TBL1XR1: variants seen among roughly 807,000 people sequenced by gnomAD.
The protein encoded by TBL1XR1 is F-box-like/WD repeat-containing protein TBL1XR1.
TBL1XR1 carries 5 observed loss-of-function variants against 66.9 expected under a neutral mutation model. The ratio of observed to expected loss-of-function variants is 0.07; its 90% CI spans 0.04 to 0.16. TBL1XR1 has a LOEUF of 0.16. Among genes scored for constraint, TBL1XR1 ranks in the 10% least tolerant of loss-of-function variants. TBL1XR1 has a pLI of 1.00. For synonymous variants in TBL1XR1, 210 were observed against 206.0 expected, an observed-to-expected ratio of 1.02 and a Z score of -0.17; for missense variants, 238 against 623.2, an observed-to-expected ratio of 0.38 and a Z score of 6.58.
At position 177,022,862 on chromosome 3, in the gene TBL1XR1, A is replaced by C. The variant is rs1712566175; in HGVS notation, c.*2636T>G. The C allele has an allele frequency of 6.6e-6, 1 of 152,402 alleles. No homozygotes were observed. The highest frequency in any genetic ancestry group is 6.6e-5 in the Admixed American group (1 of 15,242). The allele number at this position is 152,402 out of a possible 1,614,324, so 9.4% of individuals were successfully genotyped here. A position where few individuals can be genotyped will look rare whatever the true frequency, so the allele number is the denominator to read the frequency against. ...TTGAGAACAGCAGCAAAAATAAACA[A>C]TCGTATGCTCATGAAGAACCCAAGC... is the stretch of plus-strand genomic sequence containing the variant. On this transcript the variant is annotated 3_prime_UTR_variant, in exon 16 of 16. Transcript: ENST00000457928.
upstream of TBL1XR1, among the ~76,000 whole-genome samples, chr3:177,197,749 C>T (rs1049957611): frequency 6.8e-6 from 1 of 146,656 alleles, no homozygotes; most frequent in Non-Finnish European, 1.5e-5. Context: ...CCTTCCCGGC[C>T]CGCTCTGGCG....
intron 1 of TBL1XR1, among the ~76,000 whole-genome samples, chr3:177,112,512 C>T (rs990609698): frequency 1.3e-5 from 2 of 151,980 alleles, no homozygotes; most frequent in African/African-American, 4.8e-5. Context: ...AGATTGAGAT[C>T]GGAAATGGTT....
At chr3:177,146,235 C>T (rs572477628) in intron 1 of TBL1XR1, among the ~76,000 whole-genome samples, 1 of 152,186 alleles carries the variant, frequency 6.6e-6, no homozygotes, top group East Asian at 1.9e-4. Flanking sequence ...TACAGCAGTA[C>T]ATCTTCACTA....
chr3:177,080,044 G>C (rs911221367), intron 2 of TBL1XR1: 6 of 152,156 alleles, frequency 3.9e-5, no homozygotes, highest in African/African-American at 1.4e-4. Context: ...TCAATCAAAT[G>C]TAAGATTTCT....
At chr3:177,059,453 T>A (rs1269715568) in intron 3 of TBL1XR1, among the ~76,000 whole-genome samples, 1 of 152,162 alleles carries the variant, frequency 6.6e-6, no homozygotes, top group Non-Finnish European at 1.5e-5. Flanking sequence ...TGTGATCACG[T>A]TTTCTAAATT....
intron 1 of TBL1XR1, among the ~76,000 whole-genome samples, chr3:177,149,660 C>T (rs924695415): frequency 6.6e-5 from 10 of 152,160 alleles, no homozygotes; most frequent in Non-Finnish European, 1.0e-4. Flanking sequence ...CCAAATCCTA[C>T]CTGCTTTCGT....
intron 3 of TBL1XR1, among the ~76,000 whole-genome samples, chr3:177,061,731 G>A (rs1040481191): frequency 5.3e-5 from 8 of 152,168 alleles, no homozygotes; most frequent in South Asian, 2.1e-4. Flanking sequence ...TAACCTAAGA[G>A]TAATTTATAT....
intron 1 of TBL1XR1, among the ~76,000 whole-genome samples, chr3:177,168,093 A>T (rs1005898612): frequency 1.6e-4 from 24 of 152,206 alleles, no homozygotes; most frequent in Admixed American, 6.5e-4. Flanking sequence ...ATGTAATGAG[A>T]TAAATATATA....
intron 1 of TBL1XR1, among the ~76,000 whole-genome samples, chr3:177,179,209 A>G (rs1269563826): frequency 6.6e-6 from 1 of 151,420 alleles, no homozygotes; most frequent in Non-Finnish European, 1.5e-5. Flanking sequence ...TTCAAAGACT[A>G]AAAACATGGC....
In TBL1XR1 at chr3:177,151,362, A is replaced by C. The variant is rs539724075; in HGVS notation, c.-122+45759T>G. 2.0e-5 allele frequency among the ~76,000 whole-genome samples: 3 copies of C among 152,336 alleles called. No homozygotes were observed. In the South Asian group the frequency reaches 6.2e-4, roughly 32 times the overall value. On this transcript the variant is annotated intron_variant, in intron 1 of 15. Transcript: ENST00000457928. ...ATGGGGGTCCCCAACCCCCGGCTGC[A>C]GCTGTGGGCACCAGTCCACGGCAGT...
At chr3:177,133,833 G>A (rs539457217) in intron 1 of TBL1XR1, among the ~76,000 whole-genome samples, 9 of 135,426 alleles carry the variant, frequency 6.6e-5, no homozygotes, top group Admixed American at 6.1e-4. Context: ...CCAAGATCGC[G>A]CCACTGCACA....
At position 177,127,550 on chromosome 3, in the gene TBL1XR1, T is replaced by C. The variant is rs762497255; in HGVS notation, c.-121-29009A>G. 3.9e-5 allele frequency among the ~76,000 whole-genome samples: 6 copies of C among 152,314 alleles called. No individual in the cohort carries two copies. In the East Asian group the frequency reaches 7.7e-4, roughly 20 times the overall value. On this transcript the variant is annotated intron_variant, in intron 1 of 15. Coordinates refer to ENST00000457928, the MANE Select transcript of TBL1XR1 (RefSeq NM_024665.7). ...GTATACTATTCTTCACACAGCTCATTAGACTACTAGTATCAACATCTGGCA... is the reference window on the plus strand; with the variant it reads ...GTATACTATTCTTCACACAGCTCATCAGACTACTAGTATCAACATCTGGCA...
intron 1 of TBL1XR1, among the ~76,000 whole-genome samples, chr3:177,136,986 C>CGTAT (rs1729073397): frequency 6.6e-6 from 1 of 152,182 alleles, no homozygotes; most frequent in Non-Finnish European, 1.5e-5. Context: ...CTCACTCACA[C>CGTAT]GTATAACCTT....
chr3:177,169,845 C>T (rs1733251454), intron 1 of TBL1XR1, among the ~76,000 whole-genome samples: 1 of 152,190 alleles, frequency 6.6e-6, no homozygotes, highest in Admixed American at 6.6e-5. Flanking sequence ...TTAAATCCTT[C>T]CCCCTAATTC....
chr3:177,173,852 T>C (rs1165764112), intron 1 of TBL1XR1, among the ~76,000 whole-genome samples: 1 of 152,234 alleles, frequency 6.6e-6, no homozygotes, highest in Non-Finnish European at 1.5e-5. Flanking sequence ...TCTGTAAATC[T>C]AAAATTATTT....
intron 1 of TBL1XR1, among the ~76,000 whole-genome samples, chr3:177,184,364 G>A (rs73041631): frequency 0.01 from 1,595 of 152,188 alleles, 30 homozygotes; most frequent in African/African-American, 0.037. Context: ...ACCACTATGA[G>A]AACCCCAATA....
In TBL1XR1 at chr3:177,085,577, C is replaced by T. The variant is rs528439695; in HGVS notation, c.-46+12889G>A. 3.3e-5 allele frequency among the ~76,000 whole-genome samples: 5 copies of T among 151,138 alleles called. No homozygotes were observed. In the South Asian group the frequency reaches 6.3e-4, roughly 19 times the overall value. On this transcript the variant is annotated intron_variant, in intron 2 of 15. Coordinates refer to ENST00000457928, the MANE Select transcript of TBL1XR1 (RefSeq NM_024665.7). ...AAACACAAGTTCTCAGAAGTAGACA[C>T]GATAAAAAAAAGTTTTCAAATGAAA...
chr3:177,200,856 T>C (rs543195255), upstream of TBL1XR1, among the ~76,000 whole-genome samples: 102 of 149,640 alleles, frequency 6.8e-4, no homozygotes, highest in African/African-American at 2.4e-3. Flanking sequence ...AAATACAAAA[T>C]ATTAGTCGGG....
intron 1 of TBL1XR1, among the ~76,000 whole-genome samples, chr3:177,188,141 A>T (rs1393866426): frequency 1.3e-5 from 2 of 152,016 alleles, no homozygotes; most frequent in Non-Finnish European, 2.9e-5. Context: ...CATGTTGGTC[A>T]GGCTGGTCTC....
Sources: gnomAD v4.1 joint callset for allele counts (sites outside exome capture counted in the v4.1 genomes callset) on GRCh38, gnomAD v4.1.1 for gene constraint, MANE v1.5 for transcripts, NCBI Gene and HGNC (gene_info 2026-07-23, HGNC 2026-07-21) for gene names.